The following SIMC1 variants were observed in gnomAD, a reference collection of about 807,000 sequenced individuals.
The protein encoded by SIMC1 is SUMO-interacting motif-containing protein 1.
A neutral mutation model predicts 82.3 loss-of-function variants in SIMC1; 55 were observed. The observed-to-expected ratio is 0.67, with a 90% CI of 0.54 to 0.84. The LOEUF is 0.84. Among genes scored for constraint, SIMC1 ranks in the 40% least tolerant of loss-of-function variants. The probability of loss-of-function intolerance (pLI) is 0.00; values close to 1 mark genes in which losing one functional copy is unlikely to be tolerated. For missense variants in SIMC1, 915 were observed against 1,107.2 expected, an observed-to-expected ratio of 0.83 and a Z score of 2.46; for synonymous variants, 353 against 426.3, an observed-to-expected ratio of 0.83 and a Z score of 2.12.
intron 9 of SIMC1, among the ~76,000 whole-genome samples, chr5:176,338,151 GA>G (rs1192235120): frequency 6.6e-6 from 1 of 152,108 alleles, no homozygotes; most frequent in African/African-American, 2.4e-5. Flanking sequence ...CAATGGCCAG[GA>G]CACTTCAGAC....
At chr5:176,335,530 G>A (rs911058655) in intron 7 of SIMC1, among the ~76,000 whole-genome samples, 1 of 151,346 alleles carries the variant, frequency 6.6e-6, no homozygotes, top group Admixed American at 6.6e-5. Context: ...CACCCGCCTC[G>A]GCCTCCCAAA....
At position 176,290,150 on chromosome 5, in the gene SIMC1, A is replaced by G. The variant is rs1197080172; in HGVS notation, c.626A>G (p.Gln209Arg). The change falls in exon 2 of 10, where the codon CAG becomes CGG. Residue 209 changes from glutamine (Q) to arginine (R), a missense_variant. Physicochemically the swap from Gln to Arg is conservative, Grantham distance 43. Around this residue, in one of 2 missense-constraint regions of SIMC1, gnomAD observed 902 missense variants for 1,040.3 expected, o/e 0.87. Transcript: ENST00000429602. ...SNQKAPLPCP[Q>R]QDVSRPPQAL... ...CAAAAAGCACCCTTGCCATGCCCAC[A>G]GCAAGATGTATCTCGCCCACCACAG... 3 of 1,609,084 alleles carry G rather than the reference A, an allele frequency of 1.9e-6. No individual in the cohort carries two copies. The highest frequency in any genetic ancestry group is 8.5e-7 in the Non-Finnish European group (1 of 1,177,718).
At chr5:176,299,406 A>AG (rs555780143) in intron 4 of SIMC1, among the ~76,000 whole-genome samples, 205 of 151,460 alleles carry the variant, frequency 1.4e-3, no homozygotes, top group Non-Finnish European at 1.7e-3. Context: ...AAAAAAAAAA[A>AG]GAAATAAAGA....
At chr5:176,281,776 C>T (rs749162673) in intron 1 of SIMC1, among the ~76,000 whole-genome samples, 9 of 152,176 alleles carry the variant, frequency 5.9e-5, no homozygotes, top group African/African-American at 7.2e-5. Context: ...GCCGTCTGAT[C>T]GTTCCTCTGG....
At chr5:176,343,678 T>A (rs572985298) in intron 9 of SIMC1, among the ~76,000 whole-genome samples, 1 of 152,254 alleles carries the variant, frequency 6.6e-6, no homozygotes, top group Non-Finnish European at 1.5e-5. Context: ...ATAATTGTAT[T>A]GCTTAAGTAC....
intron 1 of SIMC1, among the ~76,000 whole-genome samples, chr5:176,261,468 C>G (rs1254905882): frequency 6.6e-6 from 1 of 152,146 alleles, no homozygotes; most frequent in Non-Finnish European, 1.5e-5. Context: ...GATGGCTGGG[C>G]ACGGTGGCTC....
Position 176,306,317 on chromosome 5 carries a change from C to T in SIMC1, c.1735-7374C>T, listed in dbSNP as rs1472662775. ...GGGGTCAGCCCCCCGTCCGGCCAGCCGCCCCATCCGGGAGGTGAGGGGCAC... is the reference window on the plus strand; with the variant it reads ...GGGGTCAGCCCCCCGTCCGGCCAGCTGCCCCATCCGGGAGGTGAGGGGCAC... On this transcript the variant is annotated intron_variant, in intron 4 of 9. Transcript: ENST00000429602. 4.3e-5 allele frequency among the ~76,000 whole-genome samples: 6 copies of T among 141,116 alleles called. No individual in the cohort carries two copies. The East Asian group carries it at 9.3e-4, about 22-fold the overall frequency. 92.6% of individuals were successfully genotyped at this position (141,116 alleles called of 152,430 possible).
At chr5:176,282,277 C>T (rs547490195) in intron 1 of SIMC1, among the ~76,000 whole-genome samples, 20 of 152,338 alleles carry the variant, frequency 1.3e-4, no homozygotes, top group African/African-American at 3.6e-4. Flanking sequence ...TTTTTAAGCC[C>T]GTCGGAAAAG....
chr5:176,246,384 A>G (rs1028177453), intron 1 of SIMC1, among the ~76,000 whole-genome samples: 17 of 149,748 alleles, frequency 1.1e-4, no homozygotes, highest in African/African-American at 9.9e-5. Context: ...AACATTGCCA[A>G]TCAGCTTGTA....
In SIMC1 at chr5:176,242,514, A is replaced by G. The variant is rs2560207; in HGVS notation, c.129+3877A>G. Among the ~76,000 whole-genome samples the G allele has an allele frequency of 1.3e-3, 197 of 152,060 alleles. 2 individuals are homozygous for G. Among genetic ancestry groups the G allele is most frequent in the African/African-American group, 4.6e-3 (189 of 41,374 alleles). On this transcript the variant is annotated intron_variant, in intron 1 of 9. Transcript: ENST00000429602. ...TTTTTCTTAGTTTTTTTCAATTTTT[A>G]TAGGCTGTGGAGTTCATCTGTGAGT...
chr5:176,263,745 C>G (rs1762093944), intron 1 of SIMC1, among the ~76,000 whole-genome samples: 2 of 152,188 alleles, frequency 1.3e-5, no homozygotes, highest in African/African-American at 4.8e-5. Context: ...ATATCCTTCT[C>G]ACATTGCAAA....
chr5:176,317,488 G>T (rs896568259), intron 5 of SIMC1, among the ~76,000 whole-genome samples: 1 of 152,046 alleles, frequency 6.6e-6, no homozygotes, highest in African/African-American at 2.4e-5. Flanking sequence ...TTGCAGTGCT[G>T]CTTCTTGATT....
intron 5 of SIMC1, 60 bp from the exon 6 acceptor site, chr5:176,322,213 T>C: frequency 3.7e-6 from 5 of 1,356,746 alleles, no homozygotes; most frequent in Non-Finnish European, 4.9e-6. Context: ...TCTTTCTTTA[T>C]TTTTTTTTTC....
chr5:176,330,039 A>G (rs981041005), intron 7 of SIMC1, among the ~76,000 whole-genome samples: 1 of 151,954 alleles, frequency 6.6e-6, no homozygotes, highest in African/African-American at 2.4e-5. Flanking sequence ...CATGGAAGCA[A>G]TTATATCTTA....
intron 1 of SIMC1, among the ~76,000 whole-genome samples, chr5:176,287,377 G>A (rs1198545697): frequency 6.6e-6 from 1 of 152,094 alleles, no homozygotes; most frequent in Non-Finnish European, 1.5e-5. Context: ...ACTATCGCAA[G>A]GACAGAAAAC....
chr5:176,311,755 C>T (rs906124418), intron 4 of SIMC1, among the ~76,000 whole-genome samples: 3 of 152,268 alleles, frequency 2.0e-5, no homozygotes, highest in East Asian at 1.9e-4. Flanking sequence ...AGTTAGTAAA[C>T]GTATTAGTAA....
At chr5:176,257,258 C>G (rs191551637) in intron 1 of SIMC1, among the ~76,000 whole-genome samples, 92 of 152,252 alleles carry the variant, frequency 6.0e-4, no homozygotes, top group Non-Finnish European at 7.6e-4. Context: ...ATACTCATCT[C>G]TCACCTTATG....
chr5:176,345,433 G>C lies in SIMC1; in HGVS notation c.2664G>C (p.Trp888Cys). 2 of 1,612,948 alleles carry C rather than the reference G, an allele frequency of 1.2e-6. No homozygotes were observed. The highest frequency in any genetic ancestry group is 1.7e-4 in the Middle Eastern group (1 of 6,056). ...NPDAEPFQKG[W>C]SGS is the part of the protein sequence containing the mutation. The stretch of plus-strand genomic sequence containing the variant: ...ATGCAGAGCCCTTTCAAAAGGGCTG[G>C]AGCGGCTCCTGAGGGCCTGCCAAGC... Residue 888 changes from tryptophan (W) to cysteine (C), a missense_variant, in exon 10 of 10, where the codon TGG becomes TGC. Around this residue, in one of 2 missense-constraint regions of SIMC1, gnomAD observed 902 missense variants for 1,040.3 expected, o/e 0.87. Transcript: ENST00000429602.
chr5:176,319,507 C>G (rs1037587265), intron 5 of SIMC1, among the ~76,000 whole-genome samples: 12 of 152,028 alleles, frequency 7.9e-5, no homozygotes, highest in Non-Finnish European at 1.5e-4. Context: ...GCCTGGACAA[C>G]GGAGCAAGCC....
Sources: gnomAD v4.1 joint callset for allele counts (sites outside exome capture counted in the v4.1 genomes callset) on GRCh38, gnomAD v4.1.1 for gene constraint, gnomAD v4.1.1 regional missense constraint, MANE v1.5 for transcripts, NCBI Gene and HGNC (gene_info 2026-07-23, HGNC 2026-07-21) for gene names.